NYAP2: variants seen among roughly 807,000 people sequenced by gnomAD.
NYAP2 encodes the protein neuronal tyrosine-phosphorylated phosphoinositide-3-kinase adaptor 2.
In NYAP2, 23 loss-of-function variants were observed where a neutral mutation model predicts 50.4. The ratio of observed to expected loss-of-function variants is 0.46; its 90% confidence interval spans 0.33 to 0.65. NYAP2 has a LOEUF of 0.65. Among genes scored for constraint, NYAP2 ranks in the 30% least tolerant of loss-of-function variants. The pLI is 0.02. For synonymous variants in NYAP2, 394 were observed against 365.2 expected, an observed-to-expected ratio of 1.08 and a Z score of -0.90; for missense variants, 885 against 861.0, an observed-to-expected ratio of 1.03 and a Z score of -0.35.
chr2:225,571,160 C>T (rs1692064483), intron 4 of NYAP2, among the ~76,000 whole-genome samples: 1 of 152,210 alleles, frequency 6.6e-6, no homozygotes, highest in Admixed American at 6.5e-5. Flanking sequence ...TGGTACAGCC[C>T]CACTCTGTGC....
chr2:225,591,888 G>A (rs1191082881), intron 5 of NYAP2, among the ~76,000 whole-genome samples: 1 of 152,074 alleles, frequency 6.6e-6, no homozygotes, highest in Non-Finnish European at 1.5e-5. Context: ...TTAATGATTG[G>A]CATCAATTTA....
At position 225,544,892 on chromosome 2, in the gene NYAP2, T is replaced by G. The variant is rs1387270052; in HGVS notation, c.523+31220T>G. 4.6e-5 allele frequency among the ~76,000 whole-genome samples: 7 copies of G among 152,170 alleles called. No individual in the cohort carries two copies. In the East Asian group the frequency reaches 1.3e-3, roughly 29 times the overall value. The stretch of plus-strand genomic sequence containing the variant: ...TCTGGTATTGGTGAAATCCCTCAGC[T>G]CTTGTTTATCAGGGAAGGTTTTTAT... On this transcript the variant is annotated intron_variant, in intron 4 of 6. Coordinates refer to ENST00000636099, the Ensembl canonical transcript of NYAP2.
At chr2:225,674,629 C>T in the NYAP2 span, among the ~76,000 whole-genome samples, 6 of 152,010 alleles carry the variant, frequency 3.9e-5, no homozygotes, top group African/African-American at 1.4e-4. Context: ...CCATGACCCC[C>T]GACATGTCAT....
chr2:225,473,304 A>G (rs1226097871), intron 3 of NYAP2, among the ~76,000 whole-genome samples: 1 of 152,212 alleles, frequency 6.6e-6, no homozygotes, highest in Non-Finnish European at 1.5e-5. Flanking sequence ...CATGATTTAT[A>G]ATCCTTTGGG....
chr2:225,652,698 AC>A (rs963514513), exon 7 of NYAP2: 10 of 152,300 alleles, frequency 6.6e-5, no homozygotes, highest in African/African-American at 2.4e-4. Context: ...AACTTATAAA[AC>A]ACTGATGATA....
At chr2:225,433,225 C>A (rs1461261089) in intron 3 of NYAP2, among the ~76,000 whole-genome samples, 1 of 151,986 alleles carries the variant, frequency 6.6e-6, no homozygotes, top group African/African-American at 2.4e-5. Flanking sequence ...GTAGTGCATG[C>A]CTGTAGTCCC....
At chr2:225,628,405 T>C (rs1693250251) in intron 6 of NYAP2, among the ~76,000 whole-genome samples, 1 of 139,842 alleles carries the variant, frequency 7.2e-6, no homozygotes, top group African/African-American at 2.6e-5. Context: ...CACTGCAACC[T>C]CCGACTCCTG....
intron 5 of NYAP2, among the ~76,000 whole-genome samples, chr2:225,607,049 G>A (rs1432578176): frequency 6.6e-6 from 1 of 152,016 alleles, no homozygotes; most frequent in Non-Finnish European, 1.5e-5. Flanking sequence ...TCAGTAGGGG[G>A]ACACTTCTCA....
At chr2:225,512,315 G>A (rs1690833749) in intron 3 of NYAP2, among the ~76,000 whole-genome samples, 1 of 152,148 alleles carries the variant, frequency 6.6e-6, no homozygotes, top group South Asian at 2.1e-4. Context: ...AGGATCAAAC[G>A]ATATTTAAGC....
intron 5 of NYAP2, among the ~76,000 whole-genome samples, chr2:225,618,828 G>A (rs1335932164): frequency 6.6e-6 from 1 of 152,182 alleles, no homozygotes; most frequent in African/African-American, 2.4e-5. Context: ...GAAAATAAAC[G>A]GAAATGGATC....
rs1693476246 is a variant in NYAP2, at chr2:225,638,938, G to A, written c.1828+11812G>A. On this transcript the variant is annotated intron_variant, in intron 6 of 6. Transcript: ENST00000636099. The stretch of plus-strand genomic sequence containing the variant: ...GGAGCTGGCCCAAAGTGGGCCAAGG[G>A]AGAAGTGTTTCCTTGAGATAATATT... 2.0e-5 allele frequency among the ~76,000 whole-genome samples: 3 copies of A among 152,338 alleles called. No individual in the cohort carries two copies. The South Asian group carries it at 6.2e-4, about 32-fold the overall frequency.
At position 225,640,468 on chromosome 2, in the gene NYAP2, A is replaced by T. The variant is rs114020797; in HGVS notation, c.1829-10964A>T. On this transcript the variant is annotated intron_variant, in intron 6 of 6. Coordinates refer to ENST00000636099, the Ensembl canonical transcript of NYAP2. ...ACCCCTGCCTTCAAGGAGCTTATTT[A>T]TATCTGTGATCTCAGTTGGTTTTAT... 7.2e-3 allele frequency among the ~76,000 whole-genome samples: 1,092 copies of T among 152,308 alleles called. 18 individuals are homozygous for T. The highest frequency in any genetic ancestry group is 0.025 in the African/African-American group (1,038 of 41,570).
chr2:225,577,270 G>A (rs963256992), intron 4 of NYAP2, among the ~76,000 whole-genome samples: 43 of 152,030 alleles, frequency 2.8e-4, no homozygotes, highest in African/African-American at 1.0e-3. Flanking sequence ...CTATCTTTGG[G>A]CTTATTAGAA....
At chr2:225,536,936 GCC>G (rs376601399) in intron 4 of NYAP2, among the ~76,000 whole-genome samples, 1 of 151,678 alleles carries the variant, frequency 6.6e-6, no homozygotes, top group African/African-American at 2.4e-5. Context: ...CCGCCACCAC[GCC>G]CGGCTTTTTT....
At chr2:225,680,243 G>A in the NYAP2 span, among the ~76,000 whole-genome samples, 6 of 152,268 alleles carry the variant, frequency 3.9e-5, no homozygotes, top group South Asian at 1.0e-3. Flanking sequence ...GCTAAGCAAG[G>A]ATATCTCTGG....
chr2:225,584,923 G>C (rs1334674459), intron 5 of NYAP2, among the ~76,000 whole-genome samples: 1 of 152,122 alleles, frequency 6.6e-6, no homozygotes, highest in African/African-American at 2.4e-5. Flanking sequence ...TTGTCCCCTG[G>C]GATATTTGGC....
intron 5 of NYAP2, among the ~76,000 whole-genome samples, chr2:225,599,620 T>G (rs1692662947): frequency 6.6e-6 from 1 of 152,184 alleles, no homozygotes; most frequent in East Asian, 1.9e-4. Context: ...CCTTGGAGAC[T>G]TTTTCCCTGT....
intron 4 of NYAP2, among the ~76,000 whole-genome samples, chr2:225,556,145 T>C (rs574615004): frequency 7.2e-5 from 11 of 152,316 alleles, no homozygotes; most frequent in African/African-American, 2.4e-4. Context: ...TAGGAATGAA[T>C]AGAAAATGTT....
chr2:225,689,863 T>C, the NYAP2 span, among the ~76,000 whole-genome samples: 1 of 152,120 alleles, frequency 6.6e-6, no homozygotes, highest in Non-Finnish European at 1.5e-5. Flanking sequence ...GTTAGGTACA[T>C]TTTATATATA....
Sources: allele counts gnomAD v4.1 joint callset (sites outside exome capture counted in the v4.1 genomes callset), GRCh38; gene constraint gnomAD v4.1.1; transcripts MANE v1.5; gene names NCBI Gene and HGNC (gene_info 2026-07-23, HGNC 2026-07-21).